The following INSC variants were observed in gnomAD, a reference collection of about 807,000 sequenced individuals.
INSC encodes the protein protein inscuteable homolog.
Under a neutral mutation model 58.6 loss-of-function variants are expected in INSC, and 67 were observed. That is an observed-to-expected ratio of 1.14 (90% CI 0.94 to 1.40). INSC has a LOEUF of 1.40. Among genes scored for constraint, INSC ranks in the 40% most tolerant of loss-of-function variants. The probability of loss-of-function intolerance (pLI) is 0.00; values close to 1 mark genes in which losing one functional copy is unlikely to be tolerated. For synonymous variants in INSC, 262 were observed against 276.1 expected, an observed-to-expected ratio of 0.95 and a Z score of 0.51; for missense variants, 714 against 692.0, an observed-to-expected ratio of 1.03 and a Z score of -0.36.
intron 2 of INSC, among the ~76,000 whole-genome samples, chr11:15,154,803 CT>C (rs55738495): frequency 2.6e-5 from 4 of 151,152 alleles, no homozygotes; most frequent in East Asian, 1.9e-4. Flanking sequence ...GCTTTTGTCC[CT>C]TTTTTTTTGG....
chr11:15,212,102 G>A (rs1280153259), intron 7 of INSC, among the ~76,000 whole-genome samples: 1 of 151,990 alleles, frequency 6.6e-6, no homozygotes, highest in Non-Finnish European at 1.5e-5. Flanking sequence ...TTTGGAAATT[G>A]ACATAGTTTT....
intron 6 of INSC, among the ~76,000 whole-genome samples, chr11:15,193,368 T>C (rs982907999): frequency 6.6e-6 from 1 of 152,248 alleles, no homozygotes; most frequent in Non-Finnish European, 1.5e-5. Flanking sequence ...TATGTATACA[T>C]GTGCTATGTT....
intron 1 of INSC, among the ~76,000 whole-genome samples, chr11:15,130,076 A>G (rs1291226333): frequency 6.6e-6 from 1 of 152,224 alleles, no homozygotes; most frequent in African/African-American, 2.4e-5. Context: ...TCCCATTCTA[A>G]TACATTTTCT....
chr11:15,164,043 T>TA (rs1849107544), intron 2 of INSC, among the ~76,000 whole-genome samples: 1 of 152,226 alleles, frequency 6.6e-6, no homozygotes, highest in African/African-American at 2.4e-5. Context: ...AGTTGGGACA[T>TA]TTCCTTTCTG....
chr11:15,194,821 A>G (rs1850312268), intron 6 of INSC, among the ~76,000 whole-genome samples: 2 of 152,200 alleles, frequency 1.3e-5, no homozygotes, highest in African/African-American at 4.8e-5. Context: ...TAAACCCCAC[A>G]GTGGTGACTT....
At chr11:15,201,724 A>T (rs1304312540) in intron 7 of INSC, among the ~76,000 whole-genome samples, 1 of 152,178 alleles carries the variant, frequency 6.6e-6, no homozygotes, top group Non-Finnish European at 1.5e-5. Flanking sequence ...TCCAGGAAAG[A>T]TGCTGAAAAT....
chr11:15,232,387 T>C (rs1368877885), intron 9 of INSC, among the ~76,000 whole-genome samples: 1 of 152,238 alleles, frequency 6.6e-6, no homozygotes. Flanking sequence ...TATTAACTCA[T>C]TGAATGCTCA....
intron 1 of INSC, among the ~76,000 whole-genome samples, chr11:15,141,163 G>A (rs953178379): frequency 6.6e-6 from 1 of 152,040 alleles, no homozygotes; most frequent in African/African-American, 2.4e-5. Context: ...AGAGTATAAT[G>A]TGAGCTCCTC....
intron 1 of INSC, among the ~76,000 whole-genome samples, chr11:15,118,665 G>T (rs1443580675): frequency 1.3e-5 from 2 of 152,194 alleles, no homozygotes; most frequent in African/African-American, 2.4e-5. Context: ...TCTTAAAAAG[G>T]TAAGACTAAG....
At chr11:15,156,576 G>A (rs530782037) in intron 2 of INSC, among the ~76,000 whole-genome samples, 39 of 152,280 alleles carry the variant, frequency 2.6e-4, no homozygotes, top group Non-Finnish European at 4.6e-4. Flanking sequence ...CAAGCATTTA[G>A]CACACTGCCG....
the INSC span, among the ~76,000 whole-genome samples, chr11:15,267,470 T>A: frequency 6.6e-6 from 1 of 151,982 alleles, no homozygotes; most frequent in Admixed American, 6.6e-5. Context: ...ATAATTTATA[T>A]TGCTATGTCT....
At chr11:15,201,847 C>T (rs1223360266) in intron 7 of INSC, among the ~76,000 whole-genome samples, 1 of 152,164 alleles carries the variant, frequency 6.6e-6, no homozygotes, top group African/African-American at 2.4e-5. Flanking sequence ...GGGACAGGGG[C>T]CAGCAAACTG....
intron 1 of INSC, among the ~76,000 whole-genome samples, chr11:15,143,683 G>C (rs112461504): frequency 2.6e-5 from 4 of 152,262 alleles, no homozygotes; most frequent in African/African-American, 9.6e-5. Context: ...GCTGGAAAGG[G>C]GCAAGTGATG....
chr11:15,139,419 T>G (rs939630194), intron 1 of INSC, among the ~76,000 whole-genome samples: 1 of 152,196 alleles, frequency 6.6e-6, no homozygotes, highest in Non-Finnish European at 1.5e-5. Context: ...TGGCAAACAT[T>G]CACATTAGGA....
intron 2 of INSC, among the ~76,000 whole-genome samples, chr11:15,174,150 C>T (rs1273780671): frequency 1.3e-5 from 2 of 152,002 alleles, no homozygotes; most frequent in Non-Finnish European, 2.9e-5. Flanking sequence ...ATTCCTTGCA[C>T]ATCTCAGGAC....
intron 7 of INSC, among the ~76,000 whole-genome samples, chr11:15,209,512 C>G (rs1284980426): frequency 1.3e-5 from 2 of 152,062 alleles, no homozygotes; most frequent in Non-Finnish European, 2.9e-5. Context: ...CGACTGTGAT[C>G]CTCCCTCCTT....
chr11:15,201,385 G>T (rs1161096912), intron 7 of INSC, among the ~76,000 whole-genome samples: 3 of 152,170 alleles, frequency 2.0e-5, no homozygotes, highest in Non-Finnish European at 2.9e-5. Context: ...GGGAAAGCAG[G>T]TGGGGCTCCT....
At chr11:15,229,982 TATA>T (rs1851824234) in intron 9 of INSC, among the ~76,000 whole-genome samples, 2 of 24,114 alleles carry the variant, frequency 8.3e-5, no homozygotes, top group Admixed American at 6.7e-4. Flanking sequence ...ATATATATTA[TATA>T]TATATATATA....
chr11:15,124,075 C>T (rs1847933841), intron 1 of INSC, among the ~76,000 whole-genome samples: 1 of 152,224 alleles, frequency 6.6e-6, no homozygotes, highest in Admixed American at 6.5e-5. Context: ...TCTATCTCCT[C>T]TTGTTCATTC....
Sources: gnomAD v4.1 joint callset for allele counts (sites outside exome capture counted in the v4.1 genomes callset) on GRCh38, gnomAD v4.1.1 for gene constraint, MANE v1.5 for transcripts, NCBI Gene and HGNC (gene_info 2026-07-23, HGNC 2026-07-21) for gene names.